The following NEBL variants were observed in gnomAD, a reference collection of about 807,000 sequenced individuals.
NEBL encodes the protein nebulette.
Under a neutral mutation model 140.2 loss-of-function variants are expected in NEBL, and 122 were observed. That is an observed-to-expected ratio of 0.87 (90% CI 0.75 to 1.01). The LOEUF (loss-of-function observed/expected upper bound fraction) is 1.01. Ranked by LOEUF, NEBL falls within the 50% of genes least tolerant of loss-of-function variation. The pLI is 0.00. For missense variants in NEBL, 1,365 were observed against 1,231.3 expected (o/e 1.11, Z -1.62); for synonymous variants, 436 against 398.9 (o/e 1.09, Z -1.11).
At chr10:21,107,978 G>A (rs1837799549) in intron 2 of NEBL, among the ~76,000 whole-genome samples, 1 of 152,154 alleles carries the variant, frequency 6.6e-6, no homozygotes, top group African/African-American at 2.4e-5. Flanking sequence ...GGTATTTTCT[G>A]ATGGTAGTTT....
chr10:20,806,696 T>C lies in NEBL; in HGVS notation c.2761+1814A>G, dbSNP rs555486252. ...CCCTTACAGCGGATGCATGTTTCTT[T>C]TGCTCACTGCTGTGTGCATTGCCAG... On this transcript the variant is annotated intron_variant, in intron 26 of 27. Transcript: ENST00000377122. 1.1e-4 allele frequency among the ~76,000 whole-genome samples: 17 copies of C among 152,318 alleles called. No homozygotes were observed. The East Asian group carries it at 3.3e-3, about 29-fold the overall frequency.
At chr10:21,053,108 C>A (rs571726821) in intron 2 of NEBL, among the ~76,000 whole-genome samples, 109 of 151,800 alleles carry the variant, frequency 7.2e-4, no homozygotes, top group African/African-American at 2.5e-3. Context: ...TATCACATGC[C>A]CCATAAATAT....
chr10:21,208,862 G>A (rs895977674), intron 3 of NEBL, among the ~76,000 whole-genome samples: 10 of 152,140 alleles, frequency 6.6e-5, no homozygotes, highest in Non-Finnish European at 1.3e-4. Context: ...AGAACAGTTT[G>A]GTAAACAACC....
Position 20,902,849 on chromosome 10 carries a change from CAG to C in NEBL, c.357+58821_357+58822del, listed in dbSNP as rs143238765. 6.1e-4 allele frequency among the ~76,000 whole-genome samples: 93 copies of C among 152,224 alleles called. No individual in the cohort carries two copies. The East Asian group carries it at 0.016, about 27-fold the overall frequency. ...GCAGGATCAAACAGCTTGACTCCCA[CAG>C]AGTGTCCCTTTCCTAGAGTTTTATG... On this transcript the variant is annotated intron_variant, in intron 4 of 6. Coordinates refer to the NEBL transcript ENST00000417816.
chr10:20,814,924 C>A (rs986120248), intron 22 of NEBL, among the ~76,000 whole-genome samples: 16 of 152,154 alleles, frequency 1.1e-4, no homozygotes, highest in Non-Finnish European at 1.8e-4. Flanking sequence ...ATTGCAAAGC[C>A]TAAATGCTGA....
intron 18 of NEBL, 117 bp downstream of exon 18, chr10:20,826,330 T>G: frequency 1.2e-6 from 1 of 821,386 alleles, no homozygotes; most frequent in Non-Finnish European, 2.1e-6. Context: ...GAAATAGCAT[T>G]TCAATAAAGT....
chr10:20,880,650 A>G lies in NEBL; in HGVS notation c.480+144T>C, dbSNP rs941939790. 13 of 711,008 alleles carry G rather than the reference A, an allele frequency of 1.8e-5. No homozygotes were observed. The African/African-American group carries it at 2.3e-4, about 12-fold the overall frequency. The allele number at this position is 711,008 out of a possible 1,614,324, so 44.0% of individuals were successfully genotyped here. On this transcript the variant is annotated intron_variant, in intron 5 of 27. Coordinates refer to ENST00000377122, the MANE Select transcript of NEBL (RefSeq NM_006393.3). ...TTAATGACTGTGGATAGAATAATTC[A>G]GATGTACCTCTGACTGATAAGAAAT... is the stretch of plus-strand genomic sequence containing the variant.
chr10:20,884,182 A>G (rs1371001914), intron 4 of NEBL, among the ~76,000 whole-genome samples: 1 of 152,200 alleles, frequency 6.6e-6, no homozygotes, highest in Non-Finnish European at 1.5e-5. Context: ...TTTATATTTC[A>G]TATGTATACA....
At chr10:20,934,508 G>A (rs1435540119) in intron 4 of NEBL, among the ~76,000 whole-genome samples, 6 of 152,126 alleles carry the variant, frequency 3.9e-5, no homozygotes, top group Admixed American at 2.6e-4. Flanking sequence ...ATGGATGGAC[G>A]TGACGTGCAT....
At chr10:21,114,463 A>C (rs535675593) in intron 2 of NEBL, among the ~76,000 whole-genome samples, 72 of 152,152 alleles carry the variant, frequency 4.7e-4, no homozygotes, top group Non-Finnish European at 8.5e-4. Context: ...TTGTTCAATT[A>C]TTCTGTATTC....
chr10:21,233,665 T>G (rs191374895), intron 3 of NEBL, among the ~76,000 whole-genome samples: 39 of 144,794 alleles, frequency 2.7e-4, no homozygotes, highest in Admixed American at 5.7e-4. Context: ...TATATAGATA[T>G]ATATCTATAT....
At chr10:21,246,330 G>T (rs531248425) in intron 3 of NEBL, among the ~76,000 whole-genome samples, 4 of 152,126 alleles carry the variant, frequency 2.6e-5, no homozygotes, top group Admixed American at 6.5e-5. Flanking sequence ...ACATACACTC[G>T]CCATATAACC....
chr10:20,854,437 G>A (rs1454639607), intron 9 of NEBL, among the ~76,000 whole-genome samples: 2 of 152,184 alleles, frequency 1.3e-5, no homozygotes, highest in Admixed American at 6.5e-5. Context: ...TCCCCAGAGG[G>A]AGCCTGGCCT....
At chr10:21,125,598 C>T (rs571286257) in intron 2 of NEBL, among the ~76,000 whole-genome samples, 8 of 152,224 alleles carry the variant, frequency 5.3e-5, no homozygotes, top group Admixed American at 2.0e-4. Context: ...ATCTGCCAAA[C>T]GCAATGAATT....
chr10:20,866,706 C>A (rs890116321), intron 7 of NEBL, among the ~76,000 whole-genome samples: 2 of 152,102 alleles, frequency 1.3e-5, no homozygotes, highest in Non-Finnish European at 2.9e-5. Context: ...CTTCTAAGGA[C>A]GCGTCTTTCT....
intron 3 of NEBL, among the ~76,000 whole-genome samples, chr10:20,964,615 G>T (rs1836208233): frequency 6.6e-6 from 1 of 152,184 alleles, no homozygotes; most frequent in South Asian, 2.1e-4. Context: ...CCTCCCATTA[G>T]TGCATACCTT....
chr10:20,868,819 T>A, intron 6 of NEBL, 54 bp from the exon 7 acceptor site: 1 of 1,182,176 alleles, frequency 8.5e-7, no homozygotes, highest in Non-Finnish European at 1.2e-6. Context: ...AATGATGAAC[T>A]ACATTGACAT....
intron 3 of NEBL, among the ~76,000 whole-genome samples, chr10:20,996,763 G>C (rs897193352): frequency 6.6e-6 from 1 of 152,070 alleles, no homozygotes; most frequent in Non-Finnish European, 1.5e-5. Flanking sequence ...GTTTTACAGG[G>C]ATATTTTTGA....
At chr10:20,862,945 T>C (rs1843874123) in intron 7 of NEBL, among the ~76,000 whole-genome samples, 1 of 152,172 alleles carries the variant, frequency 6.6e-6, no homozygotes, top group African/African-American at 2.4e-5. Flanking sequence ...ACATTATATG[T>C]TTTGATACAG....
Sources: gnomAD v4.1 joint callset for allele counts (sites outside exome capture counted in the v4.1 genomes callset) on GRCh38, gnomAD v4.1.1 for gene constraint, MANE v1.5 for transcripts, NCBI Gene and HGNC (gene_info 2026-07-23, HGNC 2026-07-21) for gene names.